Variants in RAG1 observed in about 807,000 individuals in gnomAD.
RAG1 encodes the protein recombination activating 1, also known as V(D)J recombination-activating protein 1.
In RAG1, 35 loss-of-function variants were observed where a neutral mutation model predicts 62.7. That is an observed-to-expected ratio of 0.56 (90% CI 0.43 to 0.74). The LOEUF (loss-of-function observed/expected upper bound fraction) is 0.74. Among genes scored for constraint, RAG1 ranks in the 30% least tolerant of loss-of-function variants. The probability of loss-of-function intolerance (pLI) is 0.00; values close to 1 mark genes in which losing one functional copy is unlikely to be tolerated. For synonymous variants in RAG1, 461 were observed against 470.3 expected (o/e 0.98, Z 0.26); for missense variants, 1,169 against 1,278.6 (o/e 0.91, Z 1.31).
At chr11:36,518,487 T>A (rs1257114540) in intron 1 of RAG1, among the ~76,000 whole-genome samples, 2 of 152,222 alleles carry the variant, frequency 1.3e-5, no homozygotes, top group Non-Finnish European at 2.9e-5. Flanking sequence ...TTTCTCCACA[T>A]CCTCTCCAGC....
intron 3 of RAG1, among the ~76,000 whole-genome samples, chr11:36,550,254 A>T (rs112979569): frequency 0.02 from 2,984 of 151,988 alleles, 100 homozygotes; most frequent in African/African-American, 0.068. Context: ...CCAGAACTTA[A>T]AAGTATAATA....
At chr11:36,528,088 G>A (rs1156883879) in intron 2 of RAG1, among the ~76,000 whole-genome samples, 1 of 152,020 alleles carries the variant, frequency 6.6e-6, no homozygotes, top group Non-Finnish European at 1.5e-5. Flanking sequence ...ACAGATCAAT[G>A]AGACAAAAAA....
intron 3 of RAG1, among the ~76,000 whole-genome samples, chr11:36,549,781 T>A (rs2133273159): frequency 6.6e-6 from 1 of 152,214 alleles, no homozygotes; most frequent in East Asian, 1.9e-4. Flanking sequence ...CCCAAAGGAT[T>A]TATAAATCAT....
chr11:36,558,930 T>G (rs1176069426), intron 3 of RAG1, among the ~76,000 whole-genome samples: 2 of 152,236 alleles, frequency 1.3e-5, no homozygotes, highest in African/African-American at 4.8e-5. Flanking sequence ...GTATCTGCTC[T>G]ACTAGTGGGT....
rs748539743 is a variant in RAG1 at position 36,574,897 on chromosome 11, C to T, written c.1593C>T (p.Ser531=). Residue 531 remains serine (S), a synonymous_variant, in exon 2 of 2, where the codon TCC becomes TCT. Transcript: ENST00000299440. ...EWQPPLKNVS[S]STDVGIIDGL... ...AGCCACCTCTGAAGAATGTGTCTTC[C>T]AGCACTGATGTTGGCATTATTGATG... is the stretch of plus-strand genomic sequence containing the variant. The T allele has an allele frequency of 1.9e-6, 3 of 1,614,222 alleles. No individual in the cohort carries two copies. The highest frequency in any genetic ancestry group is 2.5e-6 in the Non-Finnish European group (3 of 1,180,046).
Position 36,575,523 on chromosome 11 carries a change from C to G in RAG1, c.2219C>G (p.Ala740Gly), listed in dbSNP as rs762107952. Reference protein sequence around the residue: ...CTLCDATRLEASQNLVFHSIT... With the variant: ...CTLCDATRLEGSQNLVFHSIT... ...CTTTGTGATGCCACCCGTCTGGAAG[C>G]CTCTCAAAATCTTGTCTTCCACTCT... The change falls in exon 2 of 2, where the codon GCC becomes GGC. Residue 740 changes from alanine (A) to glycine (G), a missense_variant. Coordinates refer to ENST00000299440, the MANE Select transcript of RAG1 (RefSeq NM_000448.3). The surrounding 1 kb of genome is among the most constrained non-coding windows in gnomAD (Gnocchi z 4.1). 5.0e-6 allele frequency: 8 copies of G among 1,614,228 alleles called. 1 individual carries two copies. The South Asian group carries it at 8.8e-5, about 18-fold the overall frequency.
Position 36,571,439 on chromosome 11 carries a change from A to G in RAG1, c.-14-1852A>G, listed in dbSNP as rs181022935. Reference sequence around the variant, plus strand: ...GAGAATTAGGAAGCAGAATTGAACTATAAGCAATTTTGAGGTGTTCGTTGG... The same window carrying G: ...GAGAATTAGGAAGCAGAATTGAACTGTAAGCAATTTTGAGGTGTTCGTTGG... On this transcript the variant is annotated intron_variant, in intron 1 of 1. Coordinates refer to ENST00000299440, the MANE Select transcript of RAG1 (RefSeq NM_000448.3). 2.7e-3 allele frequency among the ~76,000 whole-genome samples: 415 copies of G among 152,286 alleles called. 2 individuals carry two copies. The highest frequency in any genetic ancestry group is 3.4e-3 in the Middle Eastern group (1 of 294).
downstream of RAG1, among the ~76,000 whole-genome samples, chr11:36,540,465 CAT>C (rs1860398778): frequency 2.0e-5 from 3 of 152,132 alleles, no homozygotes; most frequent in African/African-American, 7.2e-5. Flanking sequence ...AGTGCAGTGG[CAT>C]GATCTCGGCT....
chr11:36,517,029 C>G (rs1860005744), intron 1 of RAG1, among the ~76,000 whole-genome samples: 1 of 152,136 alleles, frequency 6.6e-6, no homozygotes, highest in African/African-American at 2.4e-5. Context: ...TGTGGAGGCT[C>G]TCGCAGCAGC....
At chr11:36,566,239 C>CT, upstream of RAG1, among the ~76,000 whole-genome samples, 1 of 151,990 alleles carries the variant, frequency 6.6e-6, no homozygotes, top group East Asian at 1.9e-4. Context: ...TTTTCTAACT[C>CT]TGCTTTGGAG....
chr11:36,521,632 T>A (rs1274613150), intron 2 of RAG1, among the ~76,000 whole-genome samples: 2 of 151,924 alleles, frequency 1.3e-5, no homozygotes, highest in Non-Finnish European at 2.9e-5. Context: ...TATCTGAAAA[T>A]GGGGAAGCAA....
chr11:36,576,313 G>C lies in RAG1; in HGVS notation c.3009G>C (p.Gln1003His), dbSNP rs1850850782. ...HHWLYTSKYL[Q>H]KFMNAHNALK... is the part of the protein sequence containing the mutation. Reference sequence around the variant, plus strand: ...GGTTGTACACCTCCAAATACCTCCAGAAGTTTATGAATGCTCATAATGCAT... The same window carrying C: ...GGTTGTACACCTCCAAATACCTCCACAAGTTTATGAATGCTCATAATGCAT... The change falls in exon 2 of 2, where the codon CAG becomes CAC. Residue 1003 changes from glutamine to histidine, a missense_variant. Transcript: ENST00000299440. 1 of 1,613,954 alleles carries C rather than the reference G, an allele frequency of 6.2e-7. No individual in the cohort carries two copies. The highest frequency in any genetic ancestry group is 1.3e-5 in the African/African-American group (1 of 74,914).
chr11:36,522,598 G>A (rs1860097583), intron 2 of RAG1, among the ~76,000 whole-genome samples: 2 of 152,196 alleles, frequency 1.3e-5, no homozygotes, highest in Non-Finnish European at 2.9e-5. Context: ...TTCCTACTGG[G>A]GCTCTGCCTA....
rs1251908451 is a variant in RAG1 at position 36,579,266 on chromosome 11, G to A, written c.*2830G>A. On this transcript the variant is annotated 3_prime_UTR_variant, in exon 2 of 2. Transcript: ENST00000299440. ...ATATATAAGCGCCAGTGGTAGTTGGGAGGAATAAACCATTATTTGGATGCA... is the reference window on the plus strand; with the variant it reads ...ATATATAAGCGCCAGTGGTAGTTGGAAGGAATAAACCATTATTTGGATGCA... The A allele has an allele frequency of 1.2e-5, 2 of 167,056 alleles. No homozygotes were observed. Among genetic ancestry groups the A allele is most frequent in the African/African-American group, 2.4e-5 (1 of 41,440 alleles). 10.3% of individuals were successfully genotyped at this position (167,056 alleles called of 1,614,324 possible). A position where few individuals can be genotyped will look rare whatever the true frequency, so the allele number is the denominator to read the frequency against.
downstream of RAG1, among the ~76,000 whole-genome samples, chr11:36,538,935 G>T (rs553183647): frequency 6.9e-4 from 105 of 152,202 alleles, 1 homozygote; most frequent in Non-Finnish European, 1.1e-3. Flanking sequence ...AATCATTAAT[G>T]CACTTTCTCT....
At chr11:36,571,765 C>A (rs1221018305) in intron 1 of RAG1, among the ~76,000 whole-genome samples, 3 of 152,088 alleles carry the variant, frequency 2.0e-5, no homozygotes, top group Non-Finnish European at 2.9e-5. Context: ...CAAGTGCCTG[C>A]CACCATGCCC....
At chr11:36,570,793 T>C (rs1850728394) in intron 1 of RAG1, among the ~76,000 whole-genome samples, 1 of 152,266 alleles carries the variant, frequency 6.6e-6, no homozygotes, top group African/African-American at 2.4e-5. Flanking sequence ...CACCTTTTCA[T>C]ATACCTGTTT....
chr11:36,524,202 G>T (rs1220855925), intron 2 of RAG1, among the ~76,000 whole-genome samples: 1 of 152,028 alleles, frequency 6.6e-6, no homozygotes, highest in African/African-American at 2.4e-5. Flanking sequence ...AACTTTGGAG[G>T]AGGGGGGAGG....
upstream of RAG1, among the ~76,000 whole-genome samples, chr11:36,565,537 C>A (rs1374051272): frequency 1.3e-5 from 2 of 152,198 alleles, no homozygotes; most frequent in Non-Finnish European, 2.9e-5. Context: ...ATCAAGTTGT[C>A]CAGGCTCTAG....
Sources: allele counts gnomAD v4.1 joint callset (sites outside exome capture counted in the v4.1 genomes callset), GRCh38; gene constraint gnomAD v4.1.1; non-coding constraint Gnocchi (gnomAD v3.1); transcripts MANE v1.5; gene names NCBI Gene and HGNC (gene_info 2026-07-23, HGNC 2026-07-21).